Variants in CRIM1 observed in about 807,000 individuals in gnomAD.
The protein encoded by CRIM1 is cysteine-rich motor neuron 1 protein.
Under a neutral mutation model 116.4 loss-of-function variants are expected in CRIM1, and 32 were observed. That is an observed-to-expected ratio of 0.27 (90% CI 0.21 to 0.37). The LOEUF is 0.37. Among genes scored for constraint, CRIM1 ranks in the 10% least tolerant of loss-of-function variants. The probability of loss-of-function intolerance (pLI) is 1.00; values close to 1 mark genes in which losing one functional copy is unlikely to be tolerated. For missense variants in CRIM1, 1,331 were observed against 1,354.8 expected, an observed-to-expected ratio of 0.98 and a Z score of 0.28; for synonymous variants, 590 against 509.2, an observed-to-expected ratio of 1.16 and a Z score of -2.13.
chr2:36,398,923 C>T (rs904035616), intron 2 of CRIM1, among the ~76,000 whole-genome samples: 4 of 152,170 alleles, frequency 2.6e-5, no homozygotes, highest in Non-Finnish European at 5.9e-5. Flanking sequence ...TATAGGACCT[C>T]AATGCCAAGA....
chr2:36,529,239 C>T (rs1665957542), intron 13 of CRIM1: 1 of 470,360 alleles, frequency 2.1e-6, no homozygotes, highest in Admixed American at 2.4e-5. Flanking sequence ...TAAGAACCCT[C>T]TGGAGACTGC....
At chr2:36,524,459 C>G (rs1269819923) in intron 13 of CRIM1, among the ~76,000 whole-genome samples, 1 of 151,748 alleles carries the variant, frequency 6.6e-6, no homozygotes, top group East Asian at 1.9e-4. Flanking sequence ...TTTTTAAGTT[C>G]AGAGGTACAA....
chr2:36,400,365 G>T (rs1672323341), intron 2 of CRIM1, among the ~76,000 whole-genome samples: 1 of 150,920 alleles, frequency 6.6e-6, no homozygotes, highest in Admixed American at 6.6e-5. Context: ...CACTGGGGGT[G>T]GGAGGTCAGA....
chr2:36,359,959 A>G (rs549646653), intron 1 of CRIM1, among the ~76,000 whole-genome samples: 28 of 152,312 alleles, frequency 1.8e-4, no homozygotes, highest in South Asian at 6.2e-4. Flanking sequence ...CTCCAGGAAA[A>G]TCACCTAGAA....
At chr2:36,381,254 G>A (rs1254784790) in intron 1 of CRIM1, among the ~76,000 whole-genome samples, 1 of 152,246 alleles carries the variant, frequency 6.6e-6, no homozygotes, top group Non-Finnish European at 1.5e-5. Context: ...GGGGGAAGGA[G>A]TGCCCCATGG....
In CRIM1 at chr2:36,528,358, A is replaced by G. The variant is rs545100730; in HGVS notation, c.2428+6045A>G. Among the ~76,000 whole-genome samples, 7 of 152,350 alleles carry G rather than the reference A, an allele frequency of 4.6e-5. No individual in the cohort carries two copies. The South Asian group carries it at 1.4e-3, about 32-fold the overall frequency. On this transcript the variant is annotated intron_variant, in intron 13 of 16. Coordinates refer to ENST00000280527, the MANE Select transcript of CRIM1 (RefSeq NM_016441.3). ...AAGCCCATGTCACTTTGGTCACTCC[A>G]TCGTAACCCAGGTAGAAACAGTGTG...
chr2:36,510,211 T>A, intron 9 of CRIM1, 72 bp downstream of exon 9: 1 of 1,449,908 alleles, frequency 6.9e-7, no homozygotes, highest in South Asian at 1.3e-5. Flanking sequence ...CATTTTGTTT[T>A]ATATGTTGTT....
chr2:36,547,972 C>G (rs370807811), intron 16 of CRIM1, among the ~76,000 whole-genome samples: 1 of 152,254 alleles, frequency 6.6e-6, no homozygotes, highest in East Asian at 1.9e-4. Context: ...TGTAAAAATT[C>G]TGTCCTGCGG....
intron 8 of CRIM1, among the ~76,000 whole-genome samples, 157 bp from the exon 9 acceptor site, chr2:36,509,826 A>T (rs1342976055): frequency 6.6e-6 from 1 of 152,264 alleles, no homozygotes; most frequent in Non-Finnish European, 1.5e-5. Context: ...ACCATGAAAT[A>T]GCACAGTCTA....
intron 11 of CRIM1, 144 bp downstream of exon 11, chr2:36,513,909 A>C: frequency 1.5e-6 from 1 of 669,856 alleles, no homozygotes; most frequent in South Asian, 1.9e-5. Flanking sequence ...GTCAACCACC[A>C]CCACAGAATC....
chr2:36,474,942 A>G (rs558523854), intron 5 of CRIM1, among the ~76,000 whole-genome samples: 4 of 151,934 alleles, frequency 2.6e-5, no homozygotes, highest in Non-Finnish European at 5.9e-5. Context: ...TGAACTCTCA[A>G]TTCCATTGAA....
intron 1 of CRIM1, among the ~76,000 whole-genome samples, chr2:36,374,758 C>T (rs534893386): frequency 6.6e-6 from 1 of 152,234 alleles, no homozygotes; most frequent in African/African-American, 2.4e-5. Context: ...GTGCTCCAAA[C>T]AGATAGCTGT....
At chr2:36,518,590 C>T (rs924638409) in intron 12 of CRIM1, among the ~76,000 whole-genome samples, 1 of 152,174 alleles carries the variant, frequency 6.6e-6, no homozygotes, top group African/African-American at 2.4e-5. Flanking sequence ...TCATCATGCA[C>T]GGCAGCCCAA....
At chr2:36,522,049 C>T in intron 12 of CRIM1, 43 bp from the exon 13 acceptor site, 1 of 1,552,600 alleles carries the variant, frequency 6.4e-7, no homozygotes, top group East Asian at 2.2e-5. Context: ...TAGTTGCTGG[C>T]CAACAGCATC....
intron 5 of CRIM1, among the ~76,000 whole-genome samples, chr2:36,470,404 C>T (rs1678404599): frequency 6.6e-6 from 1 of 152,168 alleles, no homozygotes; most frequent in Admixed American, 6.5e-5. Context: ...CCACCTGGGA[C>T]TTTCATAACA....
At chr2:36,496,096 C>T (rs1449258972) in intron 7 of CRIM1, among the ~76,000 whole-genome samples, 1 of 152,108 alleles carries the variant, frequency 6.6e-6, no homozygotes, top group African/African-American at 2.4e-5. Context: ...ACTCCAATTA[C>T]ATAGGGTATT....
chr2:36,371,194 G>A (rs954807536), intron 1 of CRIM1, among the ~76,000 whole-genome samples: 1 of 152,156 alleles, frequency 6.6e-6, no homozygotes, highest in Non-Finnish European at 1.5e-5. Context: ...AGCCCTGCCA[G>A]TTTATGCTCT....
At chr2:36,488,640 C>T (rs1680007273) in intron 7 of CRIM1, among the ~76,000 whole-genome samples, 1 of 152,184 alleles carries the variant, frequency 6.6e-6, no homozygotes, top group African/African-American at 2.4e-5. Flanking sequence ...CCATTTATAT[C>T]TACAGAATAC....
rs190304946 is a variant in CRIM1, at chr2:36,429,699, C to T, written c.506-11559C>T. On this transcript the variant is annotated intron_variant, in intron 2 of 16. Transcript: ENST00000280527. ...GTATAAAGTAGTAGTTCTCAAAGCA[C>T]GGTGCCTAGACAGCAGCATCAGGAG... is the stretch of plus-strand genomic sequence containing the variant. Among the ~76,000 whole-genome samples, 49 of 152,308 alleles carry T rather than the reference C, an allele frequency of 3.2e-4. No homozygotes were observed. In the South Asian group the frequency reaches 4.8e-3, roughly 15 times the overall value.
Sources: gnomAD v4.1 joint callset for allele counts (sites outside exome capture counted in the v4.1 genomes callset) on GRCh38, gnomAD v4.1.1 for gene constraint, MANE v1.5 for transcripts, NCBI Gene and HGNC (gene_info 2026-07-23, HGNC 2026-07-21) for gene names.